Variants in ECHDC2 observed in about 807,000 individuals in gnomAD.
The protein encoded by ECHDC2 is enoyl-CoA hydratase domain-containing protein 2, mitochondrial.
A neutral mutation model predicts 40.6 loss-of-function variants in ECHDC2; 34 were observed. The observed-to-expected ratio is 0.84, with a 90% CI of 0.64 to 1.11. ECHDC2 has a LOEUF of 1.11. Among genes scored for constraint, ECHDC2 ranks in the 50% most tolerant of loss-of-function variants. ECHDC2 has a pLI of 0.00. For synonymous variants in ECHDC2, 162 were observed against 166.6 expected, an observed-to-expected ratio of 0.97 and a Z score of 0.21; for missense variants, 392 against 400.7, an observed-to-expected ratio of 0.98 and a Z score of 0.19.
intron 9 of ECHDC2, 138 bp downstream of exon 9, chr1:52,897,299 G>A (rs986099714): frequency 1.0e-5 from 9 of 875,048 alleles, no homozygotes; most frequent in Admixed American, 5.3e-5. Flanking sequence ...CACTCCAGGT[G>A]ACTTATGAGG....
At chr1:52,906,103 G>C in intron 5 of ECHDC2, 1 of 350,200 alleles carries the variant, frequency 2.9e-6, no homozygotes, top group South Asian at 2.2e-5. Context: ...AAATTTGGCT[G>C]GTGCCAGTAT....
chr1:52,917,413 G>A (rs1459801402), intron 1 of ECHDC2: 2 of 362,376 alleles, frequency 5.5e-6, no homozygotes, highest in Admixed American at 3.4e-5. Context: ...TCAGACACAC[G>A]AAACATAAAA....
At chr1:52,911,903 G>T in intron 1 of ECHDC2, 113 bp from the exon 2 acceptor site, 1 of 1,510,994 alleles carries the variant, frequency 6.6e-7, no homozygotes, top group South Asian at 1.2e-5. Context: ...TGCCCTAGAT[G>T]ACCAGAGTGA....
At chr1:52,896,641 C>G (rs2150030002) in intron 9 of ECHDC2, 44 bp from the exon 10 acceptor site, 1 of 1,527,698 alleles carries the variant, frequency 6.5e-7, no homozygotes, top group Non-Finnish European at 9.1e-7. Context: ...AGCAGGGCCA[C>G]AGGCCCAAAA....
intron 7 of ECHDC2, chr1:52,899,730 G>C (rs1278456030): frequency 6.2e-6 from 1 of 161,086 alleles, no homozygotes; most frequent in Non-Finnish European, 1.4e-5. Context: ...TTTTACCCCA[G>C]CAGAGTGAAA....
intron 7 of ECHDC2, among the ~76,000 whole-genome samples, chr1:52,902,365 C>T (rs1321826883): frequency 6.6e-6 from 1 of 152,064 alleles, no homozygotes; most frequent in Non-Finnish European, 1.5e-5. Flanking sequence ...CCATGTTGGC[C>T]AGGCTGGTCT....
At position 52,904,081 on chromosome 1, in the gene ECHDC2, G is replaced by A. The variant is rs1647196936; in HGVS notation, c.702+565C>T. 2.0e-5 allele frequency among the ~76,000 whole-genome samples: 3 copies of A among 152,224 alleles called. No homozygotes were observed. The South Asian group carries it at 6.2e-4, about 32-fold the overall frequency. On this transcript the variant is annotated intron_variant, in intron 7 of 9. Coordinates refer to ENST00000371522, the MANE Select transcript of ECHDC2 (RefSeq NM_001198961.2). ...TACACCCGCCTCAGCCTCCCAAAGTGCTGGGATTACAGGCATGAGCCACCC... is the reference window on the plus strand; with the variant it reads ...TACACCCGCCTCAGCCTCCCAAAGTACTGGGATTACAGGCATGAGCCACCC...
intron 9 of ECHDC2, 93 bp from the exon 10 acceptor site, chr1:52,896,690 G>A: frequency 9.7e-7 from 1 of 1,025,948 alleles, no homozygotes; most frequent in Admixed American, 1.9e-5. Flanking sequence ...ACAAGGCCAG[G>A]GTCCAAGTGT....
At chr1:52,912,295 C>T (rs936701783) in intron 1 of ECHDC2, 1 of 155,772 alleles carries the variant, frequency 6.4e-6, no homozygotes, top group African/African-American at 2.4e-5. Context: ...GTAGCCTCAA[C>T]CTCCTGGGCT....
chr1:52,896,398 A>G lies in ECHDC2; in HGVS notation c.*122T>C. On this transcript the variant is annotated 3_prime_UTR_variant, in exon 10 of 10. Transcript: ENST00000371522. Reference sequence around the variant, plus strand: ...CGCCAGTCATTTTATTTCCATCATCATCCTTGTGAAGAAATGGAAGTCTGG... The same window carrying G: ...CGCCAGTCATTTTATTTCCATCATCGTCCTTGTGAAGAAATGGAAGTCTGG... 1 of 826,928 alleles carries G rather than the reference A, an allele frequency of 1.2e-6. No individual in the cohort carries two copies. The highest frequency in any genetic ancestry group is 2.5e-5 in the East Asian group (1 of 40,690). The allele number at this position is 826,928 out of a possible 1,614,324, so 51.2% of individuals were successfully genotyped here. A position where few individuals can be genotyped will look rare whatever the true frequency, so the allele number is the denominator to read the frequency against.
At chr1:52,909,539 A>AAC (rs1557502030) in intron 3 of ECHDC2, among the ~76,000 whole-genome samples, 1 of 151,472 alleles carries the variant, frequency 6.6e-6, no homozygotes, top group Non-Finnish European at 1.5e-5. Context: ...AAAAAAAAAA[A>AAC]ACACCACACA....
At chr1:52,916,286 T>C (rs1650641671) in intron 1 of ECHDC2, among the ~76,000 whole-genome samples, 1 of 152,222 alleles carries the variant, frequency 6.6e-6, no homozygotes, top group African/African-American at 2.4e-5. Context: ...CTCCTCTCTC[T>C]GCTTTCCTGT....
At position 52,896,454 on chromosome 1, in the gene ECHDC2, CA is replaced by C. The variant is rs375272102; in HGVS notation, c.*65del. 42 of 1,331,124 alleles carry C rather than the reference CA, an allele frequency of 3.2e-5. No homozygotes were observed. The East Asian group carries it at 9.0e-4, about 28-fold the overall frequency. 82.5% of individuals were successfully genotyped at this position (1,331,124 alleles called of 1,614,324 possible). ...TGAAATGATGAAGGCAATCTGGCCA[CA>C]AATCTTCCTTCTGGATCCTGCTCTT... On this transcript the variant is annotated 3_prime_UTR_variant, in exon 10 of 10. Coordinates refer to ENST00000371522, the MANE Select transcript of ECHDC2 (RefSeq NM_001198961.2).
chr1:52,921,511 G>C (rs1219838823), intron 1 of ECHDC2, 42 bp downstream of exon 1: 1 of 1,590,424 alleles, frequency 6.3e-7, no homozygotes, highest in Non-Finnish European at 8.5e-7. Context: ...CTCCGGCCTA[G>C]TCCCAGTCGC....
intron 1 of ECHDC2, chr1:52,917,558 A>G (rs1296025520): frequency 4.4e-6 from 2 of 456,116 alleles, no homozygotes; most frequent in Non-Finnish European, 8.8e-6. Context: ...AAATGAGCCC[A>G]TGGGTAGAGG....
At chr1:52,898,730 G>C (rs1557474298) in intron 8 of ECHDC2, 1 of 226,108 alleles carries the variant, frequency 4.4e-6, no homozygotes, top group Non-Finnish European at 8.7e-6. Flanking sequence ...CTAGATGGGA[G>C]AGTTGAGGTG....
intron 1 of ECHDC2, chr1:52,913,838 G>T: frequency 2.4e-6 from 2 of 821,230 alleles, no homozygotes; most frequent in Non-Finnish European, 3.1e-6. Flanking sequence ...TTACACAGAT[G>T]CATAATGACA....
intron 1 of ECHDC2, among the ~76,000 whole-genome samples, chr1:52,917,352 A>T (rs543206035): frequency 2.6e-5 from 4 of 152,342 alleles, no homozygotes; most frequent in Non-Finnish European, 5.9e-5. Context: ...AGCTGGACCC[A>T]GCTGGCAATC....
Position 52,896,563 on chromosome 1 carries a change from G to C in ECHDC2, c.836C>G (p.Ala279Gly). 1 of 1,614,106 alleles carries C rather than the reference G, an allele frequency of 6.2e-7. No homozygotes were observed. The highest frequency in any genetic ancestry group is 1.3e-5 in the African/African-American group (1 of 75,046). Residue 279 changes from alanine to glycine, a missense_variant, in exon 10 of 10, where the codon GCA becomes GGA. Physicochemically the swap from Ala to Gly is moderately conservative, Grantham distance 60. Transcript: ENST00000371522. ...IPTRDRLEGM[A>G]AFREKRTPKF... ...GGGAGTCCGCTTCTCCCTGAAGGCTGCCATGCCCTCTAGCCGGTCCCGGGT... is the reference window on the plus strand; with the variant it reads ...GGGAGTCCGCTTCTCCCTGAAGGCTCCCATGCCCTCTAGCCGGTCCCGGGT...
Sources: allele counts gnomAD v4.1 joint callset (sites outside exome capture counted in the v4.1 genomes callset), GRCh38; gene constraint gnomAD v4.1.1; transcripts MANE v1.5; gene names NCBI Gene and HGNC (gene_info 2026-07-23, HGNC 2026-07-21).